The following NHSL1 variants were observed in gnomAD, a reference collection of about 807,000 sequenced individuals.
NHSL1 encodes NHS like 1.
NHSL1 carries 48 observed loss-of-function variants against 95.0 expected under a neutral mutation model. That is an observed-to-expected ratio of 0.51 (90% CI 0.40 to 0.64). NHSL1 has a LOEUF of 0.64. Among genes scored for constraint, NHSL1 ranks in the 30% least tolerant of loss-of-function variants. The pLI is 0.00. For missense variants in NHSL1, 1,971 were observed against 2,077.7 expected, an observed-to-expected ratio of 0.95 and a Z score of 1.00; for synonymous variants, 783 against 833.9, an observed-to-expected ratio of 0.94 and a Z score of 1.05.
chr6:138,646,797 C>T (rs79753843), intron 1 of NHSL1, among the ~76,000 whole-genome samples: 6,961 of 152,290 alleles, frequency 0.046, 224 homozygotes, highest in South Asian at 0.075. Flanking sequence ...TGCTCTCCTG[C>T]AGCTTACAAC....
chr6:138,455,543 C>CCTGCAAGGAGCCCCGCCTTCACATGCTT (rs1562288012), intron 3 of NHSL1, among the ~76,000 whole-genome samples: 3 of 39,870 alleles, frequency 7.5e-5, no homozygotes, highest in East Asian at 8.2e-4. Context: ...TTCACATGCT[C>CCTGCAAGGAGCCCCGCCTTCACATGCTT]CCTGCAAGGA....
At chr6:138,567,916 A>G (rs1316466148) in intron 1 of NHSL1, among the ~76,000 whole-genome samples, 1 of 152,174 alleles carries the variant, frequency 6.6e-6, no homozygotes, top group Non-Finnish European at 1.5e-5. Flanking sequence ...AGGATCATCA[A>G]TCACGCTTCT....
intron 3 of NHSL1, among the ~76,000 whole-genome samples, chr6:138,461,005 T>A (rs1343840432): frequency 6.6e-6 from 1 of 151,938 alleles, no homozygotes; most frequent in East Asian, 1.9e-4. Flanking sequence ...GTTTCAAAGG[T>A]GTTTCAAAAA....
In NHSL1 at chr6:138,437,357, C is replaced by T. The variant is rs1414888214; in HGVS notation, c.665-3677G>A. On this transcript the variant is annotated intron_variant, in intron 5 of 7. Transcript: ENST00000343505. ...ATATATATATACACATATATATATA[C>T]ACATATATATATATACACATATATA... 9.7e-4 allele frequency among the ~76,000 whole-genome samples: 17 copies of T among 17,522 alleles called. 1 individual carries two copies. Among genetic ancestry groups the T allele is most frequent in the South Asian group, 8.3e-3 (4 of 482 alleles). 11.5% of individuals were successfully genotyped at this position (17,522 alleles called of 152,430 possible).
At chr6:138,492,524 A>G (rs1780138448) in intron 2 of NHSL1, among the ~76,000 whole-genome samples, 1 of 152,196 alleles carries the variant, frequency 6.6e-6, no homozygotes, top group African/African-American at 2.4e-5. Context: ...ATTTATGTCT[A>G]TTATCTGCTT....
At chr6:138,547,880 C>A (rs1782862039), upstream of NHSL1, among the ~76,000 whole-genome samples, 2 of 152,212 alleles carry the variant, frequency 1.3e-5, no homozygotes, top group South Asian at 4.1e-4. Flanking sequence ...TAGTCTCTCC[C>A]ATGTAATTTA....
At chr6:138,508,776 G>C (rs572866916) in intron 1 of NHSL1, among the ~76,000 whole-genome samples, 1 of 152,238 alleles carries the variant, frequency 6.6e-6, no homozygotes, top group South Asian at 2.1e-4. Context: ...TTGACAGACT[G>C]TCACTCTATT....
At chr6:138,685,810 T>C (rs1785578174) in intron 1 of NHSL1, among the ~76,000 whole-genome samples, 1 of 152,166 alleles carries the variant, frequency 6.6e-6, no homozygotes, top group African/African-American at 2.4e-5. Context: ...TTTATCAAAG[T>C]TGTACTTACA....
intron 7 of NHSL1, among the ~76,000 whole-genome samples, chr6:138,425,802 T>C (rs1211876545): frequency 6.6e-6 from 1 of 152,058 alleles, no homozygotes; most frequent in Non-Finnish European, 1.5e-5. Context: ...CTTCCTCAGC[T>C]CTTCCAGGAC....
At chr6:138,614,124 A>G (rs1434843815) in intron 1 of NHSL1, among the ~76,000 whole-genome samples, 2 of 152,204 alleles carry the variant, frequency 1.3e-5, no homozygotes, top group African/African-American at 2.4e-5. Context: ...TTCCTTATAG[A>G]TAAGATCATG....
intron 5 of NHSL1, among the ~76,000 whole-genome samples, chr6:138,441,526 C>A (rs936881019): frequency 2.0e-5 from 3 of 152,138 alleles, no homozygotes; most frequent in Non-Finnish European, 2.9e-5. Flanking sequence ...TGACATTTAC[C>A]AATAATCCCA....
At chr6:138,458,291 C>G (rs1444258200) in intron 3 of NHSL1, among the ~76,000 whole-genome samples, 1 of 152,160 alleles carries the variant, frequency 6.6e-6, no homozygotes, top group East Asian at 1.9e-4. Context: ...GTTCTCATAC[C>G]GGGTCAAGTC....
intron 1 of NHSL1, among the ~76,000 whole-genome samples, chr6:138,599,342 T>A (rs905052618): frequency 2.0e-5 from 3 of 152,058 alleles, no homozygotes; most frequent in African/African-American, 7.2e-5. Context: ...TGAAAGCCCA[T>A]CTCTACTAAA....
At position 138,692,118 on chromosome 6, in the gene NHSL1, C is replaced by T; in HGVS notation, c.96+358G>A. On this transcript the variant is annotated intron_variant, in intron 1 of 3. Coordinates refer to the NHSL1 transcript ENST00000491526. The surrounding 1 kb of genome is among the most constrained non-coding windows in gnomAD (Gnocchi z 4.0). ...CCTGGCTTTTCCAACAGGCTACCTG[C>T]CTGTGACAGTTTTCCCACGAACTTG... 2 of 452,920 alleles carry T rather than the reference C, an allele frequency of 4.4e-6. No individual in the cohort carries two copies. The highest frequency in any genetic ancestry group is 1.6e-5 in the South Asian group (1 of 64,514). 28.1% of individuals were successfully genotyped at this position (452,920 alleles called of 1,614,324 possible). A position where few individuals can be genotyped will look rare whatever the true frequency, so the allele number is the denominator to read the frequency against.
intron 1 of NHSL1, among the ~76,000 whole-genome samples, chr6:138,621,476 T>C (rs1045016995): frequency 1.3e-5 from 2 of 151,868 alleles, no homozygotes; most frequent in Non-Finnish European, 2.9e-5. Flanking sequence ...TCATTGATTT[T>C]TTTTTTTTCC....
At chr6:138,593,673 C>T (rs1438074969) in intron 1 of NHSL1, among the ~76,000 whole-genome samples, 1 of 152,204 alleles carries the variant, frequency 6.6e-6, no homozygotes, top group African/African-American at 2.4e-5. Flanking sequence ...CAGGCACAAA[C>T]TCATGCACAT....
intron 3 of NHSL1, among the ~76,000 whole-genome samples, chr6:138,465,882 C>T (rs139465322): frequency 0.014 from 2,187 of 151,786 alleles, 23 homozygotes; most frequent in Middle Eastern, 0.041. Context: ...TGCCACCATG[C>T]CCAGCTAATT....
At position 138,692,463 on chromosome 6, in the gene NHSL1, G is replaced by A. The variant is rs1036567069; in HGVS notation, c.96+13C>T. ...CCCGCCGGTTCCCCTCCCCCGGCCCGCCGGCCACTCACGGATTTTCACTCG... is the reference window on the plus strand; with the variant it reads ...CCCGCCGGTTCCCCTCCCCCGGCCCACCGGCCACTCACGGATTTTCACTCG... On this transcript the variant is annotated intron_variant, in intron 1 of 3. Transcript: ENST00000491526. The surrounding 1 kb of genome is among the most constrained non-coding windows in gnomAD (Gnocchi z 4.0). 2 of 204,084 alleles carry A rather than the reference G, an allele frequency of 9.8e-6. No individual in the cohort carries two copies. The highest frequency in any genetic ancestry group is 1.4e-4 in the South Asian group (2 of 14,022). The allele number at this position is 204,084 out of a possible 1,614,324, so 12.6% of individuals were successfully genotyped here. A position where few individuals can be genotyped will look rare whatever the true frequency, so the allele number is the denominator to read the frequency against.
chr6:138,576,520 C>T (rs1034786388), upstream of NHSL1, among the ~76,000 whole-genome samples: 4 of 152,206 alleles, frequency 2.6e-5, no homozygotes, highest in African/African-American at 9.6e-5. Flanking sequence ...CGAACTTCTG[C>T]TGTCATCACA....
Sources: gnomAD v4.1 joint callset for allele counts (sites outside exome capture counted in the v4.1 genomes callset) on GRCh38, gnomAD v4.1.1 for gene constraint, Gnocchi (gnomAD v3.1) non-coding constraint, MANE v1.5 for transcripts, NCBI Gene and HGNC (gene_info 2026-07-23, HGNC 2026-07-21) for gene names.